Variants in ZPBP observed in about 807,000 individuals in gnomAD.
ZPBP encodes zona pellucida binding protein.
ZPBP carries 26 observed loss-of-function variants against 44.8 expected under a neutral mutation model. The observed-to-expected ratio is 0.58, with a 90% CI of 0.43 to 0.81. The LOEUF is 0.81. ZPBP is among the 30% of genes least tolerant of loss of function. The probability of loss-of-function intolerance (pLI) is 0.00; values close to 1 mark genes in which losing one functional copy is unlikely to be tolerated. For synonymous variants in ZPBP, 174 were observed against 153.2 expected, an observed-to-expected ratio of 1.14 and a Z score of -1.00; for missense variants, 409 against 434.0, an observed-to-expected ratio of 0.94 and a Z score of 0.51.
At chr7:49,893,268 G>A (rs965833813) in intron 2 of ZPBP, among the ~76,000 whole-genome samples, 12 of 152,080 alleles carry the variant, frequency 7.9e-5, no homozygotes, top group African/African-American at 2.9e-4. Context: ...TCTAGAATAC[G>A]GCATGTTCCC....
the ZPBP span, among the ~76,000 whole-genome samples, chr7:49,841,605 T>C: frequency 6.6e-6 from 1 of 152,234 alleles, no homozygotes; most frequent in Admixed American, 6.5e-5. Context: ...GTGGAGCTTT[T>C]TCCCTCAGAC....
intron 7 of ZPBP, among the ~76,000 whole-genome samples, chr7:49,974,573 C>A (rs974597820): frequency 7.2e-5 from 11 of 151,748 alleles, no homozygotes; most frequent in South Asian, 2.1e-4. Flanking sequence ...GGCAAAAAAA[C>A]CAATAAGTTG....
chr7:49,896,228 C>G (rs931301577), intron 2 of ZPBP, among the ~76,000 whole-genome samples: 4 of 152,112 alleles, frequency 2.6e-5, no homozygotes, highest in Non-Finnish European at 5.9e-5. Context: ...GTAGTCCCAG[C>G]TACTCAGGAG....
At chr7:50,054,314 T>C (rs949344708) in intron 4 of ZPBP, among the ~76,000 whole-genome samples, 1 of 151,804 alleles carries the variant, frequency 6.6e-6, no homozygotes, top group Non-Finnish European at 1.5e-5. Flanking sequence ...TGAGAGAAGG[T>C]AGAAATTACT....
intron 6 of ZPBP, among the ~76,000 whole-genome samples, chr7:50,000,864 T>C (rs1214979746): frequency 6.6e-6 from 1 of 152,110 alleles, no homozygotes; most frequent in Non-Finnish European, 1.5e-5. Flanking sequence ...TAATGGTATT[T>C]GGAGATATGC....
intron 7 of ZPBP, among the ~76,000 whole-genome samples, chr7:49,971,938 A>C (rs901168103): frequency 6.6e-6 from 1 of 152,094 alleles, no homozygotes. Flanking sequence ...ATGGTTTAAC[A>C]TGAAAAAAAA....
intron 3 of ZPBP, among the ~76,000 whole-genome samples, chr7:50,075,854 A>C (rs1028735849): frequency 1.3e-5 from 2 of 151,984 alleles, no homozygotes; most frequent in African/African-American, 4.8e-5. Flanking sequence ...ATCCTACTCA[A>C]ACAATTCTGA....
At chr7:50,089,331 T>A (rs1334983297) in intron 2 of ZPBP, among the ~76,000 whole-genome samples, 1 of 152,100 alleles carries the variant, frequency 6.6e-6, no homozygotes, top group East Asian at 1.9e-4. Context: ...TGTATTACCA[T>A]ATTTGCACTA....
intron 4 of ZPBP, among the ~76,000 whole-genome samples, chr7:50,047,197 A>G (rs1800415171): frequency 6.6e-6 from 1 of 152,076 alleles, no homozygotes; most frequent in Admixed American, 6.6e-5. Context: ...CCTAATGTAG[A>G]TGACAGATTG....
At chr7:49,927,272 C>A (rs1303219540) in intron 1 of ZPBP, among the ~76,000 whole-genome samples, 1 of 152,224 alleles carries the variant, frequency 6.6e-6, no homozygotes, top group African/African-American at 2.4e-5. Flanking sequence ...GCTGGTTCAA[C>A]AACATGAGGT....
At chr7:50,000,452 G>T (rs1022096382) in intron 6 of ZPBP, among the ~76,000 whole-genome samples, 1 of 152,106 alleles carries the variant, frequency 6.6e-6, no homozygotes, top group African/African-American at 2.4e-5. Flanking sequence ...CTATTAAGTA[G>T]AGATCTGCAA....
chr7:49,913,975 G>T (rs1174295055), intron 1 of ZPBP: 1 of 152,142 alleles, frequency 6.6e-6, no homozygotes. Flanking sequence ...CCAGTACATA[G>T]ATTTCATGAA....
intron 2 of ZPBP, among the ~76,000 whole-genome samples, chr7:49,859,785 T>TGCGC (rs200452451): frequency 1.0e-4 from 8 of 80,012 alleles, no homozygotes; most frequent in African/African-American, 2.4e-4. Flanking sequence ...ACAGTGCGCG[T>TGCGC]GCGTGCACAC....
At chr7:49,939,183 T>C (rs1285210862) in intron 7 of ZPBP, among the ~76,000 whole-genome samples, 2 of 152,172 alleles carry the variant, frequency 1.3e-5, no homozygotes, top group African/African-American at 2.4e-5. Context: ...AGAACAAATA[T>C]GGAAATGTTG....
At chr7:50,040,270 T>C (rs983335392) in intron 4 of ZPBP, among the ~76,000 whole-genome samples, 1 of 152,066 alleles carries the variant, frequency 6.6e-6, no homozygotes, top group Admixed American at 6.5e-5. Context: ...TACAAATAGG[T>C]TGAAAGTAAT....
At chr7:49,890,395 T>G (rs1289777341) in intron 2 of ZPBP, among the ~76,000 whole-genome samples, 1 of 152,230 alleles carries the variant, frequency 6.6e-6, no homozygotes, top group Non-Finnish European at 1.5e-5. Context: ...ACAGTCAGTA[T>G]GGAAAGGAAT....
intron 7 of ZPBP, among the ~76,000 whole-genome samples, chr7:49,982,209 A>ATTTGTATTG (rs369441808): frequency 1.2e-5 from 1 of 82,968 alleles, no homozygotes; most frequent in Admixed American, 1.9e-4. Context: ...TATTATATAT[A>ATTTGTATTG]TATATAATGT....
At chr7:49,853,393 T>C (rs1248372400) in intron 2 of ZPBP, among the ~76,000 whole-genome samples, 1 of 152,218 alleles carries the variant, frequency 6.6e-6, no homozygotes, top group Middle Eastern at 3.2e-3. Context: ...CCTCAGGAGA[T>C]GCTGGCAGCC....
chr7:49,858,824 A>T (rs890474360), intron 2 of ZPBP, among the ~76,000 whole-genome samples: 1 of 152,228 alleles, frequency 6.6e-6, no homozygotes, highest in Non-Finnish European at 1.5e-5. Context: ...TTATGTTTAT[A>T]AAATTCATAC....
Sources: gnomAD v4.1 joint callset for allele counts (sites outside exome capture counted in the v4.1 genomes callset) on GRCh38, gnomAD v4.1.1 for gene constraint, MANE v1.5 for transcripts, NCBI Gene and HGNC (gene_info 2026-07-23, HGNC 2026-07-21) for gene names.